Variants in ERC1 observed in about 807,000 individuals in gnomAD.
ERC1 encodes ELKS/RAB6-interacting/CAST family member 1, also known as RAB6 interacting protein 2.
A neutral mutation model predicts 132.0 loss-of-function variants in ERC1; 56 were observed. The observed-to-expected ratio is 0.42, with a 90% CI of 0.34 to 0.53. The LOEUF is 0.53. Ranked by LOEUF, ERC1 falls within the 20% of genes least tolerant of loss-of-function variation. ERC1 has a pLI of 0.03. For synonymous variants in ERC1, 478 were observed against 476.1 expected, an observed-to-expected ratio of 1.00 and a Z score of -0.05; for missense variants, 1,202 against 1,349.9, an observed-to-expected ratio of 0.89 and a Z score of 1.72.
intron 15 of ERC1, among the ~76,000 whole-genome samples, chr12:1,328,487 TA>T (rs2082619699): frequency 6.6e-6 from 1 of 152,158 alleles, no homozygotes; most frequent in African/African-American, 2.4e-5. Flanking sequence ...TATTTCCTCT[TA>T]AAATTTTCCA....
Position 1,401,211 on chromosome 12 carries a change from G to C in ERC1, c.2926-6938G>C, listed in dbSNP as rs189515250. Among the ~76,000 whole-genome samples, 11 of 152,086 alleles carry C rather than the reference G, an allele frequency of 7.2e-5. No individual in the cohort carries two copies. In the East Asian group the frequency reaches 1.9e-3, roughly 27 times the overall value. ...AGCCTTCCAAAGTGCTGGGATTACA[G>C]GCGTGAGCCACCGCGCCCAGCCCTA... On this transcript the variant is annotated intron_variant, in intron 16 of 18. Coordinates refer to ENST00000360905, the MANE Select transcript of ERC1 (RefSeq NM_178040.4).
chr12:1,237,656 A>C (rs2075511806), intron 13 of ERC1, among the ~76,000 whole-genome samples: 2 of 152,194 alleles, frequency 1.3e-5, no homozygotes, highest in African/African-American at 4.8e-5. Flanking sequence ...TACTTACGTA[A>C]ATGCACACAG....
intron 17 of ERC1, among the ~76,000 whole-genome samples, chr12:1,412,212 G>C (rs1157200046): frequency 6.6e-6 from 1 of 152,140 alleles, no homozygotes; most frequent in Admixed American, 6.5e-5. Flanking sequence ...TCCTTCTCCT[G>C]TTTCCTCACT....
At chr12:1,300,913 C>A (rs534083140) in intron 15 of ERC1, among the ~76,000 whole-genome samples, 1 of 152,074 alleles carries the variant, frequency 6.6e-6, no homozygotes, top group Non-Finnish European at 1.5e-5. Context: ...GACCTAAAAA[C>A]AAATACAGTT....
At position 1,333,373 on chromosome 12, in the gene ERC1, G is replaced by A. The variant is rs1463592990; in HGVS notation, c.2781-38460G>A. On this transcript the variant is annotated intron_variant, in intron 15 of 18. Coordinates refer to ENST00000360905, the MANE Select transcript of ERC1 (RefSeq NM_178040.4). The stretch of plus-strand genomic sequence containing the variant: ...TTTTGAGATGGAGTCTCACTCTGTC[G>A]CCAGGCTGGAGTGCAGTGGCGCGAC... 3.0e-5 allele frequency among the ~76,000 whole-genome samples: 4 copies of A among 131,234 alleles called. No individual in the cohort carries two copies. In the South Asian group the frequency reaches 9.5e-4, roughly 31 times the overall value. 86.1% of individuals were successfully genotyped at this position (131,234 alleles called of 152,430 possible).
At chr12:1,182,354 A>G (rs1036314517) in intron 10 of ERC1, among the ~76,000 whole-genome samples, 1 of 152,228 alleles carries the variant, frequency 6.6e-6, no homozygotes, top group African/African-American at 2.4e-5. Context: ...ATTTGGAGAA[A>G]TAGTGTGCTA....
intron 14 of ERC1, among the ~76,000 whole-genome samples, chr12:1,280,136 T>C (rs920535543): frequency 2.0e-5 from 3 of 152,212 alleles, no homozygotes; most frequent in African/African-American, 4.8e-5. Flanking sequence ...TTGGCTCTTA[T>C]TTCTTTTCTC....
chr12:1,109,475 A>G (rs567540930), intron 4 of ERC1, among the ~76,000 whole-genome samples: 15 of 152,126 alleles, frequency 9.9e-5, no homozygotes, highest in Admixed American at 8.5e-4. Flanking sequence ...TTGGGGCATA[A>G]TATGTTTTTT....
intron 8 of ERC1, among the ~76,000 whole-genome samples, chr12:1,143,329 CGTGTGTGTGTGTGTGTGT>C (rs4017792): frequency 0.019 from 2,447 of 128,964 alleles, 46 homozygotes; most frequent in African/African-American, 0.05. Context: ...GCTTTTGACT[CGTGTGTGTGTGTGTGTGT>C]GTGTGTGTGT....
At chr12:1,346,958 A>AAAAAAAAAAAAAAGAGAG in intron 15 of ERC1, among the ~76,000 whole-genome samples, 1 of 151,336 alleles carries the variant, frequency 6.6e-6, no homozygotes, top group Non-Finnish European at 1.5e-5. Context: ...CAAAAAAAAA[A>AAAAAAAAAAAAAAGAGAG]AAAGAGAGAG....
chr12:1,332,247 A>C (rs899449107), intron 15 of ERC1, among the ~76,000 whole-genome samples: 1 of 152,068 alleles, frequency 6.6e-6, no homozygotes, highest in Non-Finnish European at 1.5e-5. Context: ...ACTTTCTTAC[A>C]ATTGGAATGT....
intron 15 of ERC1, among the ~76,000 whole-genome samples, chr12:1,323,833 A>C (rs2082273390): frequency 6.6e-6 from 1 of 152,230 alleles, no homozygotes; most frequent in African/African-American, 2.4e-5. Flanking sequence ...GTGCAACATG[A>C]AACTACTCCT....
At chr12:1,352,259 G>C (rs12302801) in intron 15 of ERC1, among the ~76,000 whole-genome samples, 4,873 of 152,248 alleles carry the variant, frequency 0.032, 270 homozygotes, top group African/African-American at 0.11. Flanking sequence ...TTCCTTGTGA[G>C]CCGTGTCACA....
At chr12:1,246,633 G>A (rs1231425769) in intron 13 of ERC1, among the ~76,000 whole-genome samples, 2 of 152,148 alleles carry the variant, frequency 1.3e-5, no homozygotes, top group Admixed American at 1.3e-4. Flanking sequence ...TTTCAGTGAA[G>A]AAACCTACCA....
At chr12:1,135,255 T>C (rs1949139731) in intron 7 of ERC1, among the ~76,000 whole-genome samples, 1 of 152,224 alleles carries the variant, frequency 6.6e-6, no homozygotes, top group African/African-American at 2.4e-5. Flanking sequence ...GTTCTCCAGG[T>C]CACGGAAACA....
intron 4 of ERC1, among the ~76,000 whole-genome samples, chr12:1,105,212 A>G (rs1945114631): frequency 6.6e-6 from 1 of 152,212 alleles, no homozygotes; most frequent in South Asian, 2.1e-4. Context: ...TCCGTGAAGA[A>G]AATACTGAAT....
rs57007848 is a variant in ERC1, at chr12:1,171,356, CTTTTTTTT to C, written c.1738-9168_1738-9161del. ...TCAGCAATAGTCTGGGCAAAACATTCTTTTTTTTTTTTTTTTTTTTTTTGGTAAATTAT... is the reference window on the plus strand; with the variant it reads ...TCAGCAATAGTCTGGGCAAAACATTCTTTTTTTTTTTTTTTGGTAAATTAT... On this transcript the variant is annotated intron_variant, in intron 8 of 18. Transcript: ENST00000360905. Among the ~76,000 whole-genome samples, 28 of 87,294 alleles carry C rather than the reference CTTTTTTTT, an allele frequency of 3.2e-4. No individual in the cohort carries two copies. In the South Asian group the frequency reaches 0.012, roughly 38 times the overall value. 57.3% of individuals were successfully genotyped at this position (87,294 alleles called of 152,430 possible).
intron 18 of ERC1, among the ~76,000 whole-genome samples, chr12:1,457,379 C>T (rs548996320): frequency 1.3e-5 from 2 of 152,258 alleles, no homozygotes; most frequent in South Asian, 2.1e-4. Flanking sequence ...AGAATCTGAT[C>T]GTAAGCAACA....
chr12:1,135,784 T>C (rs555201480), intron 7 of ERC1, among the ~76,000 whole-genome samples: 1 of 152,324 alleles, frequency 6.6e-6, no homozygotes, highest in Admixed American at 6.5e-5. Flanking sequence ...AAGGTCCTGC[T>C]ACACCTTTAT....
Sources: allele counts gnomAD v4.1 joint callset (sites outside exome capture counted in the v4.1 genomes callset), GRCh38; gene constraint gnomAD v4.1.1; transcripts MANE v1.5; gene names NCBI Gene and HGNC (gene_info 2026-07-23, HGNC 2026-07-21).